The following LINGO2 variants were observed in gnomAD, a reference collection of about 807,000 sequenced individuals.
The protein encoded by LINGO2 is leucine-rich repeat and immunoglobulin-like domain-containing nogo receptor-interacting protein 2.
LINGO2 carries 14 observed loss-of-function variants against 30.6 expected under a neutral mutation model. That is an observed-to-expected ratio of 0.46 (90% CI 0.30 to 0.72). The LOEUF (loss-of-function observed/expected upper bound fraction) is 0.72, where lower values mean the gene tolerates loss of function less well. Ranked by LOEUF, LINGO2 falls within the 30% of genes least tolerant of loss-of-function variation. LINGO2 has a pLI of 0.07. For synonymous variants in LINGO2, 317 were observed against 288.5 expected (o/e 1.10, Z -1.00); for missense variants, 729 against 751.7 (o/e 0.97, Z 0.35).
chr9:28,249,037 C>G (rs1822103360), intron 4 of LINGO2, among the ~76,000 whole-genome samples: 1 of 152,102 alleles, frequency 6.6e-6, no homozygotes, highest in Non-Finnish European at 1.5e-5. Flanking sequence ...CTAACTCCTT[C>G]ACCATGCATA....
intron 4 of LINGO2, among the ~76,000 whole-genome samples, chr9:28,171,910 T>C (rs568516232): frequency 2.8e-4 from 40 of 145,178 alleles, no homozygotes; most frequent in South Asian, 1.5e-3. Context: ...TAGTTCCAGC[T>C]ACTTGGGAGG....
chr9:28,742,090 C>T, the LINGO2 span, among the ~76,000 whole-genome samples: 3 of 151,996 alleles, frequency 2.0e-5, no homozygotes, highest in African/African-American at 7.3e-5. Context: ...GCTAAAGCCA[C>T]ATTGGCCTTC....
intron 4 of LINGO2, among the ~76,000 whole-genome samples, chr9:28,187,491 GAA>G (rs34656512): frequency 7.5e-4 from 100 of 132,980 alleles, no homozygotes; most frequent in Middle Eastern, 4.0e-3. Flanking sequence ...CTCTGTCTCA[GAA>G]AAAAAAAAAA....
chr9:29,056,664 C>T, the LINGO2 span, among the ~76,000 whole-genome samples: 5 of 151,944 alleles, frequency 3.3e-5, no homozygotes, highest in African/African-American at 9.7e-5. Context: ...GTTCTGCCGA[C>T]GACAATGTCT....
At chr9:28,347,710 G>A (rs1158679051) in intron 3 of LINGO2, among the ~76,000 whole-genome samples, 1 of 152,136 alleles carries the variant, frequency 6.6e-6, no homozygotes, top group African/African-American at 2.4e-5. Context: ...CATTAAACAA[G>A]AATTTCTAGG....
chr9:28,296,536 G>C (rs1007936342), intron 3 of LINGO2, among the ~76,000 whole-genome samples: 7 of 152,132 alleles, frequency 4.6e-5, no homozygotes, highest in African/African-American at 1.7e-4. Flanking sequence ...TGTGATTAGA[G>C]CTTCACGGAT....
chr9:29,188,476 C>T, the LINGO2 span, among the ~76,000 whole-genome samples: 1 of 152,156 alleles, frequency 6.6e-6, no homozygotes, highest in Non-Finnish European at 1.5e-5. Context: ...CCTTTCCCGC[C>T]TTTCTATTCC....
At chr9:29,102,794 A>C in the LINGO2 span, among the ~76,000 whole-genome samples, 3 of 152,154 alleles carry the variant, frequency 2.0e-5, no homozygotes, top group Non-Finnish European at 4.4e-5. Flanking sequence ...ATTAAACATT[A>C]CATCTAGAGA....
intron 1 of LINGO2, among the ~76,000 whole-genome samples, chr9:28,645,095 C>T (rs1364938476): frequency 1.3e-5 from 2 of 152,082 alleles, no homozygotes; most frequent in African/African-American, 2.4e-5. Flanking sequence ...CAAAATACCA[C>T]AGCTATATTC....
At chr9:28,944,066 TG>T in the LINGO2 span, among the ~76,000 whole-genome samples, 1 of 152,214 alleles carries the variant, frequency 6.6e-6, no homozygotes, top group Non-Finnish European at 1.5e-5. Context: ...GAAGGAGTCC[TG>T]GACTGTTTCG....
At chr9:28,837,615 C>A in the LINGO2 span, among the ~76,000 whole-genome samples, 1 of 136,362 alleles carries the variant, frequency 7.3e-6, no homozygotes, top group Admixed American at 7.8e-5. Context: ...CCATTGCACT[C>A]CAGCCTGGGC....
At chr9:28,409,227 T>C (rs1209735933) in intron 2 of LINGO2, among the ~76,000 whole-genome samples, 1 of 152,150 alleles carries the variant, frequency 6.6e-6, no homozygotes, top group Non-Finnish European at 1.5e-5. Context: ...TTATTTTCTG[T>C]GATCCCGCTA....
At chr9:28,334,375 A>G (rs1443030884) in intron 3 of LINGO2, among the ~76,000 whole-genome samples, 1 of 152,096 alleles carries the variant, frequency 6.6e-6, no homozygotes, top group Non-Finnish European at 1.5e-5. Flanking sequence ...TATTATGTCT[A>G]TTTTTCAATT....
chr9:29,051,662 G>A, the LINGO2 span, among the ~76,000 whole-genome samples: 3 of 151,980 alleles, frequency 2.0e-5, no homozygotes, highest in Non-Finnish European at 1.5e-5. Context: ...GTTCTGAAAG[G>A]CTTTTCCATA....
chr9:28,524,253 C>A (rs1056402011), intron 1 of LINGO2, among the ~76,000 whole-genome samples: 1 of 151,956 alleles, frequency 6.6e-6, no homozygotes, highest in African/African-American at 2.4e-5. Flanking sequence ...CTACCTCACA[C>A]CATACACACA....
At chr9:28,312,400 ATGATTAG>A (rs1205493780) in intron 3 of LINGO2, among the ~76,000 whole-genome samples, 4 of 152,056 alleles carry the variant, frequency 2.6e-5, no homozygotes, top group African/African-American at 4.8e-5. Flanking sequence ...AAATAAGAAA[ATGATTAG>A]TGGAAATCAA....
chr9:28,397,257 G>A (rs4472615), intron 2 of LINGO2, among the ~76,000 whole-genome samples: 1 of 151,614 alleles, frequency 6.6e-6, no homozygotes. Flanking sequence ...ATCTTCTTGG[G>A]AGGATAAGAT....
chr9:29,114,943 T>C, the LINGO2 span, among the ~76,000 whole-genome samples: 5 of 151,810 alleles, frequency 3.3e-5, no homozygotes, highest in South Asian at 2.1e-4. Context: ...ATAAAACTTA[T>C]GTTGGAAAAT....
chr9:28,895,857 T>A, the LINGO2 span, among the ~76,000 whole-genome samples: 1 of 152,096 alleles, frequency 6.6e-6, no homozygotes, highest in African/African-American at 2.4e-5. Context: ...AAACTTCATT[T>A]TTTAAAAATT....
Sources: allele counts gnomAD v4.1 joint callset (sites outside exome capture counted in the v4.1 genomes callset), GRCh38; gene constraint gnomAD v4.1.1; transcripts MANE v1.5; gene names NCBI Gene and HGNC (gene_info 2026-07-23, HGNC 2026-07-21).